The following GRIK2 variants were observed in gnomAD, a reference collection of about 807,000 sequenced individuals.
GRIK2 encodes the protein glutamate ionotropic receptor kainate type subunit 2.
A neutral mutation model predicts 100.3 loss-of-function variants in GRIK2; 32 were observed. That is an observed-to-expected ratio of 0.32 (90% CI 0.24 to 0.43). The LOEUF is 0.43. Among genes scored for constraint, GRIK2 ranks in the 20% least tolerant of loss-of-function variants. The pLI is 1.00. For synonymous variants in GRIK2, 417 were observed against 389.4 expected, an observed-to-expected ratio of 1.07 and a Z score of -0.83; for missense variants, 843 against 1,114.9, an observed-to-expected ratio of 0.76 and a Z score of 3.47.
chr6:101,928,960 G>A (rs950795276), intron 14 of GRIK2, among the ~76,000 whole-genome samples: 1 of 152,116 alleles, frequency 6.6e-6, no homozygotes, highest in African/African-American at 2.4e-5. Flanking sequence ...ATAGTAGGAT[G>A]TTCAGATTCT....
intron 7 of GRIK2, among the ~76,000 whole-genome samples, chr6:101,711,019 T>C (rs978170544): frequency 5.8e-4 from 88 of 151,790 alleles, no homozygotes; most frequent in African/African-American, 2.0e-3. Context: ...AGTGGCTGTG[T>C]GGATACCCTA....
intron 4 of GRIK2, among the ~76,000 whole-genome samples, chr6:101,648,547 A>AT (rs1781637423): frequency 6.6e-6 from 1 of 151,946 alleles, no homozygotes; most frequent in Non-Finnish European, 1.5e-5. Flanking sequence ...CCTTTGAAAT[A>AT]TTTTTTAGTT....
At chr6:101,734,373 C>T (rs9485535) in intron 7 of GRIK2, among the ~76,000 whole-genome samples, 14,701 of 152,120 alleles carry the variant, frequency 0.097, 845 homozygotes, top group South Asian at 0.2. Context: ...AATGTCTAAC[C>T]TCAGGGCAGT....
chr6:101,807,265 G>A (rs1010295817), intron 9 of GRIK2, among the ~76,000 whole-genome samples: 1 of 151,882 alleles, frequency 6.6e-6, no homozygotes. Context: ...GATTGCAGAA[G>A]GTCACCCTGA....
chr6:101,399,198 C>T lies in GRIK2; in HGVS notation c.-80C>T. ...TCGTGTCTGCGGTCACCACTCGACG[C>T]ATCCTCATTTCTACCCGAACCCAGG... On this transcript the variant is annotated 5_prime_UTR_variant, in exon 2 of 17. Transcript: ENST00000369134. 1.3e-6 allele frequency: 1 copy of T among 773,676 alleles called. No individual in the cohort carries two copies. The highest frequency in any genetic ancestry group is 1.4e-5 in the South Asian group (1 of 71,142). 47.9% of individuals were successfully genotyped at this position (773,676 alleles called of 1,614,324 possible). A position where few individuals can be genotyped will look rare whatever the true frequency, so the allele number is the denominator to read the frequency against.
chr6:101,527,576 T>A (rs1038642819), intron 2 of GRIK2, among the ~76,000 whole-genome samples: 1 of 152,238 alleles, frequency 6.6e-6, no homozygotes, highest in African/African-American at 2.4e-5. Flanking sequence ...CAACCACTTC[T>A]CGACTTTGTG....
rs1789931666 is a variant in GRIK2, at chr6:101,926,741, A to G, written c.1868-1674A>G. On this transcript the variant is annotated intron_variant, in intron 13 of 16. Transcript: ENST00000369134. ...AGCTTCCCAGGAATTAGTGGGATAT[A>G]GTGCTGGACATGACGTTACCTTGAG... Among the ~76,000 whole-genome samples the G allele has an allele frequency of 2.6e-5, 4 of 152,294 alleles. No homozygotes were observed. In the South Asian group the frequency reaches 8.3e-4, roughly 32 times the overall value.
At chr6:101,861,422 AGTAGT>A (rs1040065550) in intron 11 of GRIK2, among the ~76,000 whole-genome samples, 5 of 152,308 alleles carry the variant, frequency 3.3e-5, no homozygotes, top group African/African-American at 9.6e-5. Context: ...ATTAAGTTTT[AGTAGT>A]GAAGTTTATT....
At chr6:102,060,208 C>CTCTAAATAATTATATTTTTT (rs1332445415) in intron 16 of GRIK2, among the ~76,000 whole-genome samples, 2 of 150,638 alleles carry the variant, frequency 1.3e-5, no homozygotes, top group Admixed American at 6.6e-5. Flanking sequence ...CTAAGACAAT[C>CTCTAAATAATTATATTTTTT]TCTAAATAAT....
rs1261279661 is a variant in GRIK2 at position 101,626,465 on chromosome 6, T to C, written c.369T>C (p.Asn123=). Residue 123 remains asparagine (N), a synonymous_variant, in exon 4 of 17, where the codon AAT becomes AAC. Coordinates refer to ENST00000369134, the MANE Select transcript of GRIK2 (RefSeq NM_021956.5). ...CAAACGCAGTGCAGTCCATCTGCAA[T>C]GCTCTGGGAGTTCCCCACATACAGA... ...SSANAVQSIC[N]ALGVPHIQTR... 3.7e-6 allele frequency: 6 copies of C among 1,613,998 alleles called. No homozygotes were observed. Among genetic ancestry groups the C allele is most frequent in the South Asian group, 3.3e-5 (3 of 91,072 alleles).
chr6:102,047,745 T>G (rs1770971203), intron 15 of GRIK2, among the ~76,000 whole-genome samples: 1 of 151,600 alleles, frequency 6.6e-6, no homozygotes, highest in South Asian at 2.1e-4. Flanking sequence ...CAAGACTCCA[T>G]CTCAAAGAAA....
chr6:101,684,603 A>T (rs760644465), intron 6 of GRIK2, among the ~76,000 whole-genome samples: 3 of 152,166 alleles, frequency 2.0e-5, no homozygotes, highest in Non-Finnish European at 4.4e-5. Flanking sequence ...CAAGGCTGAG[A>T]TCTCTATAAC....
intron 15 of GRIK2, among the ~76,000 whole-genome samples, chr6:102,052,243 AATACTT>A (rs1288676561): frequency 1.3e-5 from 2 of 152,204 alleles, no homozygotes; most frequent in Non-Finnish European, 2.9e-5. Flanking sequence ...CCTTTTAAAA[AATACTT>A]AAACTAGATC....
At chr6:101,860,019 T>G (rs1784646882) in intron 11 of GRIK2, among the ~76,000 whole-genome samples, 1 of 152,142 alleles carries the variant, frequency 6.6e-6, no homozygotes, top group Admixed American at 6.5e-5. Flanking sequence ...CAATTGCAAG[T>G]CTTTGTTATT....
intron 14 of GRIK2, among the ~76,000 whole-genome samples, chr6:102,010,674 C>T (rs1187792861): frequency 6.6e-6 from 1 of 151,846 alleles, no homozygotes; most frequent in Non-Finnish European, 1.5e-5. Context: ...TGAGACACTG[C>T]ACCGGGCCCC....
chr6:101,396,246 C>A (rs989827466), intron 1 of GRIK2, among the ~76,000 whole-genome samples: 7 of 147,262 alleles, frequency 4.8e-5, no homozygotes, highest in Non-Finnish European at 1.1e-4. Context: ...TAGCATTCCC[C>A]CCCCCCCCAG....
chr6:101,450,373 A>G (rs551673790), intron 2 of GRIK2, among the ~76,000 whole-genome samples: 1,889 of 151,768 alleles, frequency 0.012, 31 homozygotes, highest in African/African-American at 0.044. Flanking sequence ...ATGTTATTGT[A>G]GCATTGATCT....
chr6:101,893,276 G>A (rs1269415069), intron 12 of GRIK2, among the ~76,000 whole-genome samples: 2 of 151,408 alleles, frequency 1.3e-5, no homozygotes, highest in Non-Finnish European at 3.0e-5. Flanking sequence ...ATAGATAAAA[G>A]AAAGATCATG....
At chr6:102,058,074 A>G (rs1042879241) in intron 16 of GRIK2, among the ~76,000 whole-genome samples, 2 of 151,946 alleles carry the variant, frequency 1.3e-5, no homozygotes, top group Admixed American at 1.3e-4. Context: ...ATCTAAAAAC[A>G]TGTATCTCCT....
Sources: allele counts gnomAD v4.1 joint callset (sites outside exome capture counted in the v4.1 genomes callset), GRCh38; gene constraint gnomAD v4.1.1; transcripts MANE v1.5; gene names NCBI Gene and HGNC (gene_info 2026-07-23, HGNC 2026-07-21).